Variants in ITCH observed in about 807,000 individuals in gnomAD.
ITCH encodes the protein E3 ubiquitin-protein ligase Itchy homolog.
A neutral mutation model predicts 126.8 loss-of-function variants in ITCH; 28 were observed. That is an observed-to-expected ratio of 0.22 (90% confidence interval 0.16 to 0.30). ITCH has a LOEUF of 0.30. Ranked by LOEUF, ITCH falls within the 10% of genes least tolerant of loss-of-function variation. The probability of loss-of-function intolerance (pLI) is 1.00; values close to 1 mark genes in which losing one functional copy is unlikely to be tolerated. For missense variants in ITCH, 631 were observed against 1,032.4 expected, an observed-to-expected ratio of 0.61 and a Z score of 5.33; for synonymous variants, 342 against 340.0, an observed-to-expected ratio of 1.01 and a Z score of -0.06.
intron 20 of ITCH, among the ~76,000 whole-genome samples, chr20:34,487,012 GTTTT>G (rs34815799): frequency 9.3e-6 from 1 of 107,818 alleles, no homozygotes; most frequent in East Asian, 2.7e-4. Context: ...TATTTGTTAG[GTTTT>G]TTTTTTTTTT....
At chr20:34,466,986 A>C (rs140178226) in intron 14 of ITCH, among the ~76,000 whole-genome samples, 1 of 152,342 alleles carries the variant, frequency 6.6e-6, no homozygotes, top group African/African-American at 2.4e-5. Flanking sequence ...CCAAAGCTAG[A>C]AGATAAATTT....
chr20:34,425,036 T>C (rs1419573739), intron 7 of ITCH, among the ~76,000 whole-genome samples: 1 of 152,210 alleles, frequency 6.6e-6, no homozygotes, highest in African/African-American at 2.4e-5. Context: ...TGTTACTGTG[T>C]CTATGTAGAA....
At chr20:34,495,309 A>G (rs1182809204) in intron 23 of ITCH, among the ~76,000 whole-genome samples, 1 of 141,012 alleles carries the variant, frequency 7.1e-6, no homozygotes, top group Non-Finnish European at 1.5e-5. Context: ...ATATATATAT[A>G]TATATATACA....
At chr20:34,379,894 G>GCC (rs138821902) in intron 2 of ITCH, among the ~76,000 whole-genome samples, 5 of 98,204 alleles carry the variant, frequency 5.1e-5, no homozygotes, top group African/African-American at 1.2e-4. Flanking sequence ...ACTGCACCCG[G>GCC]CCCCCCCCCC....
At chr20:34,366,978 A>C (rs374412561) in intron 1 of ITCH, among the ~76,000 whole-genome samples, 1 of 152,258 alleles carries the variant, frequency 6.6e-6, no homozygotes, top group East Asian at 1.9e-4. Context: ...TATTGTTGCC[A>C]TATTTCTAGA....
At chr20:34,436,757 C>G (rs1234735101) in intron 7 of ITCH, among the ~76,000 whole-genome samples, 1 of 152,106 alleles carries the variant, frequency 6.6e-6, no homozygotes, top group Non-Finnish European at 1.5e-5. Context: ...AGTGCTCGTC[C>G]GTTTGGTTTA....
chr20:34,506,616 A>G (rs1990634779), intron 24 of ITCH, among the ~76,000 whole-genome samples: 2 of 152,204 alleles, frequency 1.3e-5, no homozygotes, highest in Non-Finnish European at 2.9e-5. Context: ...GAGGTGGAAC[A>G]GTTTCATCCT....
At chr20:34,504,298 T>C in intron 23 of ITCH, 33 bp from the exon 24 acceptor site, 2 of 1,536,206 alleles carry the variant, frequency 1.3e-6, no homozygotes, top group Non-Finnish European at 1.8e-6. Flanking sequence ...TCCACTATAC[T>C]AACAAACTGT....
intron 6 of ITCH, chr20:34,417,116 G>A (rs113035282): frequency 3.1e-6 from 2 of 654,272 alleles, no homozygotes; most frequent in Non-Finnish European, 2.8e-6. Flanking sequence ...TTTTTTTTTA[G>A]ATGGGGTTTC....
intron 2 of ITCH, among the ~76,000 whole-genome samples, chr20:34,385,360 G>A (rs2038245368): frequency 6.6e-6 from 1 of 151,344 alleles, no homozygotes; most frequent in South Asian, 2.1e-4. Context: ...ATCACCTCTG[G>A]CCAGAAACAA....
chr20:34,413,644 T>G, intron 5 of ITCH, 98 bp from the exon 6 acceptor site: 2 of 1,110,734 alleles, frequency 1.8e-6, no homozygotes, highest in Admixed American at 2.6e-5. Flanking sequence ...AGTTATATTT[T>G]CTCGGACATC....
chr20:34,475,497 A>AT (rs1296950444), intron 16 of ITCH, among the ~76,000 whole-genome samples: 14 of 152,304 alleles, frequency 9.2e-5, no homozygotes, highest in Middle Eastern at 3.4e-3. Flanking sequence ...CACCAAAAAA[A>AT]TACGAAAACC....
chr20:34,374,281 A>T (rs1347410386), intron 2 of ITCH, among the ~76,000 whole-genome samples: 1 of 152,134 alleles, frequency 6.6e-6, no homozygotes, highest in African/African-American at 2.4e-5. Context: ...AAAGGATTTT[A>T]GTCTAAAGGA....
At chr20:34,483,937 T>C (rs961495923) in intron 20 of ITCH, among the ~76,000 whole-genome samples, 4 of 152,152 alleles carry the variant, frequency 2.6e-5, no homozygotes, top group Non-Finnish European at 5.9e-5. Context: ...AGGCATGTCT[T>C]ACATGAATGG....
At chr20:34,382,416 T>A (rs2038098531) in intron 2 of ITCH, among the ~76,000 whole-genome samples, 1 of 152,210 alleles carries the variant, frequency 6.6e-6, no homozygotes, top group Admixed American at 6.5e-5. Flanking sequence ...AATTCTTTTT[T>A]CTTTTCTTGA....
intron 6 of ITCH, among the ~76,000 whole-genome samples, chr20:34,423,407 T>C (rs895299169): frequency 6.6e-6 from 1 of 152,250 alleles, no homozygotes; most frequent in Non-Finnish European, 1.5e-5. Flanking sequence ...CCACCAATTA[T>C]GCTTTTTTGT....
rs1240072560 is a variant in ITCH, at chr20:34,510,830, A to G, written c.*3036A>G. The G allele has an allele frequency of 6.6e-6, 1 of 152,180 alleles. No individual in the cohort carries two copies. The highest frequency in any genetic ancestry group is 1.5e-5 in the Non-Finnish European group (1 of 68,042). The allele number at this position is 152,180 out of a possible 1,614,324, so 9.4% of individuals were successfully genotyped here. A position where few individuals can be genotyped will look rare whatever the true frequency, so the allele number is the denominator to read the frequency against. ...AGACCCTGTCTCTTAAAAAAACAAA[A>G]AGACATATTCAGGTACTGATTTTTC... is the stretch of plus-strand genomic sequence containing the variant. On this transcript the variant is annotated 3_prime_UTR_variant, in exon 25 of 25. Transcript: ENST00000374864.
chr20:34,407,596 C>T (rs1196854229), intron 3 of ITCH, among the ~76,000 whole-genome samples: 4 of 152,170 alleles, frequency 2.6e-5, no homozygotes, highest in African/African-American at 9.7e-5. Flanking sequence ...GTTTATAAAG[C>T]TCCCATACAA....
At position 34,507,684 on chromosome 20, in the gene ITCH, C is replaced by A. The variant is rs1978323785; in HGVS notation, c.2490-11C>A. The A allele has an allele frequency of 1.2e-6, 2 of 1,603,568 alleles. No homozygotes were observed. Among genetic ancestry groups the A allele is most frequent in the South Asian group, 1.1e-5 (1 of 90,824 alleles). Reference sequence around the variant, plus strand: ...ATTTCCTTTTCTCAAACTAACAATTCTTGCTTTTAGTTTTAATCGCCTGGA... The same window carrying A: ...ATTTCCTTTTCTCAAACTAACAATTATTGCTTTTAGTTTTAATCGCCTGGA... On this transcript the variant is annotated splice_polypyrimidine_tract_variant and intron_variant, in intron 24 of 24. Coordinates refer to ENST00000374864, the MANE Select transcript of ITCH (RefSeq NM_031483.7).
Sources: allele counts gnomAD v4.1 joint callset (sites outside exome capture counted in the v4.1 genomes callset), GRCh38; gene constraint gnomAD v4.1.1; transcripts MANE v1.5; gene names NCBI Gene and HGNC (gene_info 2026-07-23, HGNC 2026-07-21).